The following DNTT variants were observed in gnomAD, a reference collection of about 807,000 sequenced individuals.
The protein encoded by DNTT is DNA nucleotidylexotransferase, also known as nucleosidetriphosphate:DNA deoxynucleotidylexotransferase.
Under a neutral mutation model 60.9 loss-of-function variants are expected in DNTT, and 47 were observed. That is an observed-to-expected ratio of 0.77 (90% CI 0.61 to 0.98). The LOEUF is 0.98. DNTT is among the 50% of genes least tolerant of loss of function. The pLI is 0.00. For missense variants in DNTT, 665 were observed against 627.5 expected, an observed-to-expected ratio of 1.06 and a Z score of -0.64; for synonymous variants, 224 against 221.2, an observed-to-expected ratio of 1.01 and a Z score of -0.11.
chr10:96,330,722 T>C (rs1161116863), intron 8 of DNTT, among the ~76,000 whole-genome samples: 3 of 152,152 alleles, frequency 2.0e-5, no homozygotes, highest in Non-Finnish European at 4.4e-5. Flanking sequence ...ATAATCAATT[T>C]ACCAATGATG....
intron 4 of DNTT, among the ~76,000 whole-genome samples, chr10:96,321,425 G>T (rs1382450278): frequency 3.3e-5 from 5 of 152,254 alleles, no homozygotes; most frequent in Non-Finnish European, 7.4e-5. Flanking sequence ...CATGTGCAGT[G>T]TGTCTACTGG....
intron 1 of DNTT, 34 bp downstream of exon 1, chr10:96,304,734 C>A: frequency 1.9e-6 from 3 of 1,600,848 alleles, no homozygotes; most frequent in Non-Finnish European, 2.6e-6. Context: ...TGTAAATAAG[C>A]AGAGGCTTTG....
intron 1 of DNTT, among the ~76,000 whole-genome samples, chr10:96,316,252 T>G (rs1844783958): frequency 6.6e-6 from 1 of 152,224 alleles, no homozygotes; most frequent in Admixed American, 6.5e-5. Context: ...AATTCATCTT[T>G]CATAGGTGAG....
chr10:96,336,945 A>AC (rs1845080634), intron 10 of DNTT, among the ~76,000 whole-genome samples: 1 of 151,196 alleles, frequency 6.6e-6, no homozygotes, highest in Non-Finnish European at 1.5e-5. Flanking sequence ...GTCAGGAAAA[A>AC]AAAAAAAAAA....
chr10:96,310,591 A>G (rs1844703916), intron 1 of DNTT, among the ~76,000 whole-genome samples: 1 of 152,114 alleles, frequency 6.6e-6, no homozygotes, highest in Non-Finnish European at 1.5e-5. Flanking sequence ...TTTCCTCCCT[A>G]GAATGCTGGT....
intron 1 of DNTT, among the ~76,000 whole-genome samples, chr10:96,310,946 G>T (rs1473930413): frequency 6.6e-6 from 1 of 151,768 alleles, no homozygotes; most frequent in Non-Finnish European, 1.5e-5. Context: ...CTTTTTTCTT[G>T]CTCTGATCCA....
At chr10:96,327,089 C>T (rs1372968232) in intron 6 of DNTT, among the ~76,000 whole-genome samples, 1 of 152,202 alleles carries the variant, frequency 6.6e-6, no homozygotes, top group African/African-American at 2.4e-5. Context: ...CCATCACCTT[C>T]CAACTCTAAA....
chr10:96,310,015 G>A (rs1279075021), intron 1 of DNTT, among the ~76,000 whole-genome samples: 1 of 152,210 alleles, frequency 6.6e-6, no homozygotes, highest in Non-Finnish European at 1.5e-5. Flanking sequence ...TTCTGTGGGA[G>A]GGAGGGCCTA....
chr10:96,313,718 A>C (rs1844749096), intron 1 of DNTT, among the ~76,000 whole-genome samples: 1 of 152,110 alleles, frequency 6.6e-6, no homozygotes, highest in Non-Finnish European at 1.5e-5. Context: ...TTCCCTTTAT[A>C]TGCCAGTATT....
At chr10:96,335,826 T>C in intron 9 of DNTT, 65 bp from the exon 10 acceptor site, 1 of 1,548,640 alleles carries the variant, frequency 6.5e-7, no homozygotes, top group Non-Finnish European at 8.9e-7. Context: ...TAGAGGGATG[T>C]AGCCACCTAA....
intron 1 of DNTT, among the ~76,000 whole-genome samples, chr10:96,308,852 A>G (rs1307552821): frequency 6.6e-6 from 1 of 152,206 alleles, no homozygotes; most frequent in Non-Finnish European, 1.5e-5. Context: ...GGGAGATTAC[A>G]AAATACATTC....
At chr10:96,327,865 T>A (rs1335698916) in intron 7 of DNTT, among the ~76,000 whole-genome samples, 1 of 152,248 alleles carries the variant, frequency 6.6e-6, no homozygotes, top group East Asian at 1.9e-4. Context: ...CTTGGCTGAC[T>A]TCCCCTCATT....
chr10:96,304,819 A>G, intron 1 of DNTT, 119 bp downstream of exon 1: 2 of 1,128,688 alleles, frequency 1.8e-6, no homozygotes, highest in Non-Finnish European at 2.5e-6. Context: ...CCACTGGGAG[A>G]ACAGCAGATT....
intron 4 of DNTT, 53 bp downstream of exon 4, chr10:96,320,841 G>T: frequency 6.3e-7 from 1 of 1,599,166 alleles, no homozygotes; most frequent in Admixed American, 1.7e-5. Flanking sequence ...TGGGAACGGG[G>T]GAGAGAGGGA....
chr10:96,306,241 G>A (rs374480687), intron 1 of DNTT, among the ~76,000 whole-genome samples: 6 of 151,898 alleles, frequency 4.0e-5, no homozygotes, highest in African/African-American at 1.2e-4. Context: ...CTACGGACAC[G>A]CGCCACCACA....
At chr10:96,335,591 C>T (rs1467575634) in intron 9 of DNTT, among the ~76,000 whole-genome samples, 1 of 152,216 alleles carries the variant, frequency 6.6e-6, no homozygotes, top group Non-Finnish European at 1.5e-5. Flanking sequence ...TGGTAGAACG[C>T]TCACGCTATT....
intron 7 of DNTT, among the ~76,000 whole-genome samples, chr10:96,327,820 A>C (rs4917732): frequency 0.85 from 129,418 of 152,202 alleles, 55,421 homozygotes; most frequent in East Asian, 0.92. Context: ...CTTACTCAGA[A>C]TTTTCTGCTT....
At chr10:96,325,517 A>T (rs1844929123) in intron 6 of DNTT, among the ~76,000 whole-genome samples, 1 of 152,238 alleles carries the variant, frequency 6.6e-6, no homozygotes, top group Non-Finnish European at 1.5e-5. Context: ...TGAAACCCTT[A>T]TCAAATGACG....
At position 96,332,472 on chromosome 10, in the gene DNTT, A is replaced by G. The variant is rs1428140155; in HGVS notation, c.1235A>G (p.Gln412Arg). 3.1e-6 allele frequency: 5 copies of G among 1,614,198 alleles called. 1 individual carries two copies. The highest frequency in any genetic ancestry group is 3.3e-5 in the Admixed American group (2 of 60,028). Residue 412 changes from glutamine to arginine, a missense_variant, in exon 9 of 11, where the codon CAA becomes CGA. By Grantham distance (43) the Gln-to-Arg change is conservative. Coordinates refer to ENST00000371174, the MANE Select transcript of DNTT (RefSeq NM_004088.4). ...KCFLIFKLPR[Q>R]RVDSDQSSWQ... The stretch of plus-strand genomic sequence containing the variant: ...TTTCTGATTTTCAAATTGCCTCGTC[A>G]AAGAGTGGACAGTGACCAGTCCAGC...
Sources: gnomAD v4.1 joint callset for allele counts (sites outside exome capture counted in the v4.1 genomes callset) on GRCh38, gnomAD v4.1.1 for gene constraint, MANE v1.5 for transcripts, NCBI Gene and HGNC (gene_info 2026-07-23, HGNC 2026-07-21) for gene names.